Variants in CNGB1 observed in about 807,000 individuals in gnomAD.
CNGB1 encodes cyclic nucleotide-gated channel beta-1.
CNGB1 carries 126 observed loss-of-function variants against 151.7 expected under a neutral mutation model. The ratio of observed to expected loss-of-function variants is 0.83; its 90% CI spans 0.72 to 0.96. The LOEUF (loss-of-function observed/expected upper bound fraction) is 0.96. Ranked by LOEUF, CNGB1 falls within the 40% of genes least tolerant of loss-of-function variation. The pLI, the probability that CNGB1 is intolerant of heterozygous loss-of-function variation, is 0.00. For synonymous variants in CNGB1, 623 were observed against 635.1 expected (o/e 0.98, Z 0.29); for missense variants, 1,698 against 1,627.0 (o/e 1.04, Z -0.75).
chr16:57,894,176 G>A (rs1368101891), intron 31 of CNGB1, among the ~76,000 whole-genome samples: 3 of 152,236 alleles, frequency 2.0e-5, no homozygotes, highest in African/African-American at 7.2e-5. Context: ...TTCTGCCACT[G>A]TGGAAAGGAA....
At chr16:57,944,880 G>A (rs1298701938) in intron 14 of CNGB1, among the ~76,000 whole-genome samples, 1 of 148,360 alleles carries the variant, frequency 6.7e-6, no homozygotes, top group Non-Finnish European at 1.5e-5. Context: ...CTTGAACCCA[G>A]GAGGCAGAGA....
chr16:57,906,198 A>G (rs1300146821), intron 25 of CNGB1, among the ~76,000 whole-genome samples: 1 of 152,088 alleles, frequency 6.6e-6, no homozygotes, highest in African/African-American at 2.4e-5. Flanking sequence ...AACTTGGACA[A>G]ATCTCTCTCT....
In CNGB1 at chr16:57,911,859, C is replaced by G; in HGVS notation, c.2386G>C (p.Ala796Pro). Reference protein sequence around the residue: ...AYVYRVIRTTAYLLYSLHLNS... With the variant: ...AYVYRVIRTTPYLLYSLHLNS... ...AAATGCAGGCTGTAGAGAAGGTAGG[C>G]TGTGGTCCTGATGACCCTGCAGAAG... is the stretch of plus-strand genomic sequence containing the variant. The change falls in exon 25 of 33, where the codon GCC (alanine) becomes CCC (proline). Residue 796 changes from alanine to proline, a missense_variant. Ala to Pro is a conservative substitution (Grantham distance 27, BLOSUM62 -1). Transcript: ENST00000251102. The G allele has an allele frequency of 6.2e-7, 1 of 1,613,236 alleles. No individual in the cohort carries two copies. Among genetic ancestry groups the G allele is most frequent in the Non-Finnish European group, 8.5e-7 (1 of 1,179,570 alleles).
chr16:57,903,743 G>A (rs950379712), intron 27 of CNGB1, 79 bp downstream of exon 27: 278 of 1,534,420 alleles, frequency 1.8e-4, no homozygotes, highest in Middle Eastern at 2.2e-4. Context: ...CGAGGGAGGC[G>A]CCCCGAAGGC....
At chr16:57,958,646 C>G (rs374733226) in intron 10 of CNGB1, among the ~76,000 whole-genome samples, 161 bp from the exon 11 acceptor site, 1 of 152,218 alleles carries the variant, frequency 6.6e-6, no homozygotes, top group Non-Finnish European at 1.5e-5. Flanking sequence ...ATTCTCCCCC[C>G]TCTCCACCCT....
At position 57,917,300 on chromosome 16, in the gene CNGB1, G is replaced by A. The variant is rs376051016; in HGVS notation, c.2134C>T (p.Arg712Cys). The stretch of plus-strand genomic sequence containing the variant: ...TCCCCGCCTCTGACAAACTGCAGGC[G>A]TGTCTGGAACACGGTGATGTCCAGG... ...YFLDITVFQT[R>C]LQFVRGGDII... Residue 712 changes from arginine (R) to cysteine (C), a missense_variant, in exon 21 of 33, where the codon CGC becomes TGC. Transcript: ENST00000251102. The A allele has an allele frequency of 4.9e-5, 79 of 1,614,098 alleles. No individual in the cohort carries two copies. Among genetic ancestry groups the A allele is most frequent in the African/African-American group, 2.4e-4 (18 of 75,010 alleles).
intron 25 of CNGB1, 51 bp from the exon 26 acceptor site, chr16:57,904,926 C>T (rs780077596): frequency 2.7e-5 from 43 of 1,612,088 alleles, no homozygotes; most frequent in Middle Eastern, 1.7e-4. Context: ...CCCACTCTGC[C>T]GCCCCGAGCA....
At chr16:57,933,639 G>A (rs1462783804) in intron 16 of CNGB1, among the ~76,000 whole-genome samples, 4 of 152,090 alleles carry the variant, frequency 2.6e-5, no homozygotes, top group African/African-American at 9.7e-5. Flanking sequence ...AGGCAGGCAG[G>A]GATACACCCC....
At chr16:57,897,349 T>C in intron 31 of CNGB1, 48 bp downstream of exon 31, 1 of 1,597,924 alleles carries the variant, frequency 6.3e-7, no homozygotes, top group Non-Finnish European at 8.6e-7. Context: ...GTAAGAGAAA[T>C]TCATTGTCCT....
rs1960493398 is a variant in CNGB1 at position 57,904,718 on chromosome 16, G to C, written c.2634+16C>G. 3 of 1,613,804 alleles carry C rather than the reference G, an allele frequency of 1.9e-6. No homozygotes were observed. Among genetic ancestry groups the C allele is most frequent in the Non-Finnish European group, 2.5e-6 (3 of 1,180,018 alleles). ...GCAGTCAGGTGGGGTGGGAAGCTGG[G>C]CTGGTGCCCCGATACCTGTCCGATC... On this transcript the variant is annotated intron_variant, in intron 26 of 32. Coordinates refer to ENST00000251102, the MANE Select transcript of CNGB1 (RefSeq NM_001297.5).
Position 57,950,490 on chromosome 16 carries a change from C to A in CNGB1, c.925G>T (p.Val309Phe), listed in dbSNP as rs746513827. ...TGGGCATCCTCCCAGGGCGGTTCAACCTCCTCTAGGACAAGGTCAGGCTCC... is the reference window on the plus strand; with the variant it reads ...TGGGCATCCTCCCAGGGCGGTTCAAACTCCTCTAGGACAAGGTCAGGCTCC... ...QVEPDLVLEE[V>F]EPPWEDAHQD... The change falls in exon 13 of 33, where the codon GTT (valine) becomes TTT (phenylalanine). Residue 309 changes from valine to phenylalanine, a missense_variant. Physicochemically the swap from Val to Phe is conservative, Grantham distance 50. Coordinates refer to ENST00000251102, the MANE Select transcript of CNGB1 (RefSeq NM_001297.5). 1.2e-6 allele frequency: 2 copies of A among 1,614,236 alleles called. No individual in the cohort carries two copies. Among genetic ancestry groups the A allele is most frequent in the South Asian group, 2.2e-5 (2 of 91,082 alleles).
chr16:57,961,019 A>C, intron 7 of CNGB1, 104 bp from the exon 8 acceptor site: 1 of 1,020,292 alleles, frequency 9.8e-7, no homozygotes, highest in Non-Finnish European at 1.5e-6. Context: ...GTGCCCTCCA[A>C]TCCTGTTCTG....
chr16:57,925,967 C>T (rs1409709647), intron 17 of CNGB1, among the ~76,000 whole-genome samples: 2 of 152,214 alleles, frequency 1.3e-5, no homozygotes, highest in African/African-American at 2.4e-5. Flanking sequence ...GGATTACCGG[C>T]ATGAGCCACC....
Position 57,888,060 on chromosome 16 carries a change from C to T in CNGB1, c.3257G>A (p.Ser1086Asn), listed in dbSNP as rs2149351851. The T allele has an allele frequency of 6.2e-7, 1 of 1,613,990 alleles. No individual in the cohort carries two copies. The highest frequency in any genetic ancestry group is 8.5e-7 in the Non-Finnish European group (1 of 1,180,040). ...CTTCTCCTCCTTGGGCTTATTGTTG[C>T]TTCTCAGCATGCGCCTGGAAGAAAG... ...LRKKARRMLR[S>N]NNKPKEEKSV... The change falls in exon 32 of 33, where the codon AGC becomes AAC. Residue 1086 changes from serine (S) to asparagine (N), a missense_variant. By Grantham distance (46) the Ser-to-Asn change is conservative (BLOSUM62 1). Transcript: ENST00000251102.
chr16:57,943,217 G>C (rs1961715769), intron 14 of CNGB1, among the ~76,000 whole-genome samples: 1 of 152,104 alleles, frequency 6.6e-6, no homozygotes, highest in South Asian at 2.1e-4. Flanking sequence ...TAAAAAATGG[G>C]CAAAGAATCT....
At position 57,970,559 on chromosome 16, in the gene CNGB1, G is replaced by A. The variant is rs551173497; in HGVS notation, c.-9+501C>T. On this transcript the variant is annotated intron_variant, in intron 1 of 32. Transcript: ENST00000251102. ...TTTGCCGAGTGTTGGCCTCTTCCGCGGGCCAGGCCTGTAGACCCTTCCCAG... is the reference window on the plus strand; with the variant it reads ...TTTGCCGAGTGTTGGCCTCTTCCGCAGGCCAGGCCTGTAGACCCTTCCCAG... Among the ~76,000 whole-genome samples the A allele has an allele frequency of 2.8e-4, 43 of 152,250 alleles. No homozygotes were observed. In the South Asian group the frequency reaches 8.5e-3, roughly 30 times the overall value.
chr16:57,911,682 C>T (rs1354310454), intron 25 of CNGB1, 71 bp downstream of exon 25: 2 of 1,602,728 alleles, frequency 1.2e-6, no homozygotes, highest in East Asian at 2.2e-5. Flanking sequence ...TTCCTGGAGT[C>T]TCTGTGCTGC....
chr16:57,902,855 C>A (rs1049126284), intron 27 of CNGB1, among the ~76,000 whole-genome samples: 1 of 152,098 alleles, frequency 6.6e-6, no homozygotes. Flanking sequence ...TCAAGTGATC[C>A]TCCCGCCTCA....
At chr16:57,923,211 C>G (rs1252206642) in intron 18 of CNGB1, 62 bp downstream of exon 18, 4 of 1,258,620 alleles carry the variant, frequency 3.2e-6, no homozygotes, top group Non-Finnish European at 4.6e-6. Context: ...CACACTAGCC[C>G]CCCCACATCC....
Sources: gnomAD v4.1 joint callset for allele counts (sites outside exome capture counted in the v4.1 genomes callset) on GRCh38, gnomAD v4.1.1 for gene constraint, MANE v1.5 for transcripts, NCBI Gene and HGNC (gene_info 2026-07-23, HGNC 2026-07-21) for gene names.